Variants in CREB3L1 observed in about 807,000 individuals in gnomAD.
The protein encoded by CREB3L1 is cAMP responsive element binding protein 3 like 1.
CREB3L1 carries 33 observed loss-of-function variants against 54.5 expected under a neutral mutation model. The ratio of observed to expected loss-of-function variants is 0.61; its 90% CI spans 0.46 to 0.81. The LOEUF (loss-of-function observed/expected upper bound fraction) is 0.81. Ranked by LOEUF, CREB3L1 falls within the 30% of genes least tolerant of loss-of-function variation. CREB3L1 has a pLI of 0.00. For synonymous variants in CREB3L1, 284 were observed against 286.4 expected, an observed-to-expected ratio of 0.99 and a Z score of 0.08; for missense variants, 656 against 673.3, an observed-to-expected ratio of 0.97 and a Z score of 0.29.
At chr11:46,299,790 T>C in intron 1 of CREB3L1, 145 bp from the exon 2 acceptor site, 2 of 657,418 alleles carry the variant, frequency 3.0e-6, no homozygotes, top group Non-Finnish European at 5.6e-6. Context: ...GTGATGTTGC[T>C]GATATTAATG....
chr11:46,289,539 C>A lies in CREB3L1; in HGVS notation c.103-10396C>A, dbSNP rs138834379. ...TGTGGTAGAACAGAGAGGGAGATTA[C>A]TCTTCAAGCTTGGTGATCAGGGAAG... On this transcript the variant is annotated intron_variant, in intron 1 of 11. Transcript: ENST00000621158. Among the ~76,000 whole-genome samples the A allele has an allele frequency of 6.0e-4, 92 of 152,350 alleles. 1 individual carries two copies. Among genetic ancestry groups the A allele is most frequent in the African/African-American group, 2.1e-3 (86 of 41,580 alleles).
chr11:46,318,102 G>A (rs117604516), intron 10 of CREB3L1, among the ~76,000 whole-genome samples: 13,446 of 152,130 alleles, frequency 0.088, 800 homozygotes, highest in Middle Eastern at 0.18. Flanking sequence ...CTGTAGTCCC[G>A]GCTACTTGAG....
intron 3 of CREB3L1, 39 bp downstream of exon 3, chr11:46,308,039 G>T (rs1330480674): frequency 2.1e-6 from 3 of 1,462,954 alleles, no homozygotes; most frequent in Non-Finnish European, 2.7e-6. Flanking sequence ...GAGGGAGGGA[G>T]GAGGGCTGGT....
At chr11:46,307,346 TC>T (rs1219917619) in intron 2 of CREB3L1, among the ~76,000 whole-genome samples, 1 of 152,198 alleles carries the variant, frequency 6.6e-6, no homozygotes, top group Non-Finnish European at 1.5e-5. Flanking sequence ...TGTCTTGACT[TC>T]CCAAAGTGCT....
chr11:46,311,118 T>A lies in CREB3L1; in HGVS notation c.682T>A (p.Ser228Thr). The change falls in exon 5 of 12, where the codon TCC (serine) becomes ACC (threonine). Residue 228 changes from serine to threonine, a missense_variant. Ser to Thr is a moderately conservative substitution (Grantham distance 58, BLOSUM62 1). Around this residue, in one of 3 missense-constraint regions of CREB3L1, gnomAD observed 339 missense variants for 331.5 expected, o/e 1.02. Coordinates refer to ENST00000621158, the MANE Select transcript of CREB3L1 (RefSeq NM_052854.4). Reference protein sequence around the residue: ...GSQSPRSLPPSSPVRPMARSS... With the variant: ...GSQSPRSLPPTSPVRPMARSS... The stretch of plus-strand genomic sequence containing the variant: ...CCAGAGTCCCCGCTCTCTGCCCCCC[T>A]CCAGCCCTGTCAGGCCCATGGCGCG... 6.2e-7 allele frequency: 1 copy of A among 1,606,972 alleles called. No homozygotes were observed. The highest frequency in any genetic ancestry group is 8.5e-7 in the Non-Finnish European group (1 of 1,179,042).
chr11:46,310,150 T>G, intron 4 of CREB3L1, 83 bp downstream of exon 4: 1 of 1,052,796 alleles, frequency 9.5e-7, no homozygotes, highest in South Asian at 1.4e-5. Flanking sequence ...AGCCCATCCC[T>G]ATCTCTTGAC....
intron 8 of CREB3L1, chr11:46,315,498 A>G (rs1939554512): frequency 4.9e-6 from 1 of 204,982 alleles, no homozygotes; most frequent in Non-Finnish European, 1.0e-5. Context: ...GTGGAGATAT[A>G]TAAATAAACG....
At chr11:46,288,591 TGG>T (rs1323359241) in intron 1 of CREB3L1, among the ~76,000 whole-genome samples, 1 of 152,166 alleles carries the variant, frequency 6.6e-6, no homozygotes, top group East Asian at 1.9e-4. Context: ...CTCTTTCCTT[TGG>T]GTAAAGCCAA....
rs1320426220 is a variant in CREB3L1 at position 46,278,154 on chromosome 11, C to T, written c.43C>T (p.Pro15Ser). The change falls in exon 1 of 12, where the codon CCC becomes TCC. Residue 15 changes from proline to serine, a missense_variant. This residue lies in a region of CREB3L1 where 339 missense variants were observed against 331.5 expected (regional missense o/e 1.02). Transcript: ENST00000621158. The surrounding 1 kb of genome is among the most constrained non-coding windows in gnomAD (Gnocchi z 4.2). ...LEPFPADRLF[P>S]GSSFLDLGDL... ...ACCCTTCCCGGCCGACAGGCTGTTC[C>T]CCGGATCCAGCTTCCTGGACTTGGG... 6.4e-7 allele frequency: 1 copy of T among 1,573,212 alleles called. No homozygotes were observed. The highest frequency in any genetic ancestry group is 8.6e-7 in the Non-Finnish European group (1 of 1,159,402).
At chr11:46,306,631 G>A (rs1183717483) in intron 2 of CREB3L1, among the ~76,000 whole-genome samples, 3 of 151,980 alleles carry the variant, frequency 2.0e-5, no homozygotes, top group Non-Finnish European at 4.4e-5. Context: ...TGGCCTCTCT[G>A]ACCCCATCTT....
intron 9 of CREB3L1, among the ~76,000 whole-genome samples, chr11:46,316,966 C>A (rs1939575820): frequency 6.6e-6 from 1 of 152,156 alleles, no homozygotes; most frequent in Admixed American, 6.5e-5. Context: ...TCAGCACCTC[C>A]CGCTAGCCAG....
At chr11:46,308,761 C>A (rs1005509032) in intron 3 of CREB3L1, among the ~76,000 whole-genome samples, 1 of 152,214 alleles carries the variant, frequency 6.6e-6, no homozygotes, top group African/African-American at 2.4e-5. Context: ...TCTAACTGTA[C>A]GTGGCTGAAG....
intron 1 of CREB3L1, among the ~76,000 whole-genome samples, chr11:46,292,688 G>A (rs1027431234): frequency 2.0e-5 from 3 of 152,158 alleles, no homozygotes; most frequent in Admixed American, 6.5e-5. Context: ...GTGTAGTGGT[G>A]TAATCATAGC....
chr11:46,310,044 A>G lies in CREB3L1; in HGVS notation c.572A>G (p.Asn191Ser), dbSNP rs762749948. 1 of 1,600,114 alleles carries G rather than the reference A, an allele frequency of 6.2e-7. No individual in the cohort carries two copies. The highest frequency in any genetic ancestry group is 8.5e-7 in the Non-Finnish European group (1 of 1,173,588). The stretch of plus-strand genomic sequence containing the variant: ...ATCAAAGCAGAGCCTCTGGAGGTGA[A>G]CCAGTTCCTCAAAGTGACACCGGGT... ...PVIKAEPLEV[N>S]QFLKVTPEDL... The change falls in exon 4 of 12, where the codon AAC (asparagine) becomes AGC (serine). Residue 191 changes from asparagine (N) to serine (S), a missense_variant. Around this residue, in one of 3 missense-constraint regions of CREB3L1, gnomAD observed 339 missense variants for 331.5 expected, o/e 1.02. Coordinates refer to ENST00000621158, the MANE Select transcript of CREB3L1 (RefSeq NM_052854.4).
intron 1 of CREB3L1, among the ~76,000 whole-genome samples, chr11:46,298,492 G>A (rs1350409936): frequency 6.6e-6 from 1 of 152,220 alleles, no homozygotes; most frequent in African/African-American, 2.4e-5. Flanking sequence ...GAGGCCAGGA[G>A]TTTGAGACCA....
intron 1 of CREB3L1, among the ~76,000 whole-genome samples, chr11:46,280,312 C>G (rs985613607): frequency 1.3e-5 from 2 of 151,778 alleles, no homozygotes; most frequent in African/African-American, 4.8e-5. Context: ...CTCAGCGTCC[C>G]GAGTAGCTGG....
chr11:46,278,228 C>G lies in CREB3L1; in HGVS notation c.102+15C>G. ...TCAACAATGCGGTAAGATGAAGGGT[C>G]TCCGTTCCCGTTCCACCCCTCGGCA... On this transcript the variant is annotated intron_variant, in intron 1 of 11. Transcript: ENST00000621158. This position sits in a 1 kb window ranked among gnomAD's most constrained non-coding sequence, Gnocchi z 4.2. 1 of 1,513,042 alleles carries G rather than the reference C, an allele frequency of 6.6e-7. No homozygotes were observed. 93.7% of individuals were successfully genotyped at this position (1,513,042 alleles called of 1,614,324 possible).
intron 3 of CREB3L1, 26 bp downstream of exon 3, chr11:46,308,026 G>T (rs778934792): frequency 3.3e-5 from 49 of 1,485,522 alleles, no homozygotes; most frequent in Admixed American, 4.9e-5. Flanking sequence ...GTTTGTAGCG[G>T]CTGAGGGAGG....
chr11:46,299,615 G>A (rs1376859993), intron 1 of CREB3L1, among the ~76,000 whole-genome samples: 1 of 152,224 alleles, frequency 6.6e-6, no homozygotes, highest in Non-Finnish European at 1.5e-5. Context: ...AGAGCCCAGT[G>A]TCCTGTTGCC....
Sources: allele counts gnomAD v4.1 joint callset (sites outside exome capture counted in the v4.1 genomes callset), GRCh38; gene constraint gnomAD v4.1.1; regional missense constraint gnomAD v4.1.1; non-coding constraint Gnocchi (gnomAD v3.1); transcripts MANE v1.5; gene names NCBI Gene and HGNC (gene_info 2026-07-23, HGNC 2026-07-21).